Variants in MIA3 observed in about 807,000 individuals in gnomAD.
MIA3 encodes MIA SH3 domain ER export factor 3.
A neutral mutation model predicts 192.4 loss-of-function variants in MIA3; 90 were observed. The ratio of observed to expected loss-of-function variants is 0.47; its 90% CI spans 0.39 to 0.56. The LOEUF (loss-of-function observed/expected upper bound fraction) is 0.56. Ranked by LOEUF, MIA3 falls within the 20% of genes least tolerant of loss-of-function variation. The pLI, the probability that MIA3 is intolerant of heterozygous loss-of-function variation, is 0.00. For missense variants in MIA3, 2,123 were observed against 2,269.4 expected (o/e 0.94, Z 1.31); for synonymous variants, 740 against 792.8 (o/e 0.93, Z 1.12).
chr1:222,662,083 C>T lies in MIA3; in HGVS notation c.5141C>T (p.Pro1714Leu), dbSNP rs1362673838. The change falls in exon 25 of 28, where the codon CCT (proline) becomes CTT (leucine). Residue 1714 changes from proline (P) to leucine (L), a missense_variant. Pro to Leu is a moderately conservative substitution (Grantham distance 98). Around this residue, in one of 3 missense-constraint regions of MIA3, gnomAD observed 762 missense variants for 856.4 expected, o/e 0.89. Transcript: ENST00000344922. ...TCAGTGGACGGGCCTCTACCTCATC[C>T]TCGATGGTCAGCTGAGGCATCTGGG... ...FGSVDGPLPH[P>L]RWSAEASGKP... 1 of 1,614,102 alleles carries T rather than the reference C, an allele frequency of 6.2e-7. No individual in the cohort carries two copies. The highest frequency in any genetic ancestry group is 8.5e-7 in the Non-Finnish European group (1 of 1,179,968).
intron 15 of MIA3, among the ~76,000 whole-genome samples, chr1:222,653,724 G>T (rs1206879477): frequency 2.0e-5 from 3 of 152,178 alleles, no homozygotes; most frequent in Non-Finnish European, 1.5e-5. Flanking sequence ...GAGTACTGAG[G>T]TGGTTGGAGG....
At chr1:222,634,337 A>G (rs1318769131) in intron 6 of MIA3, among the ~76,000 whole-genome samples, 1 of 152,092 alleles carries the variant, frequency 6.6e-6, no homozygotes, top group African/African-American at 2.4e-5. Context: ...AATAAAAATA[A>G]AAAAGTATGG....
intron 15 of MIA3, 55 bp downstream of exon 15, chr1:222,653,394 A>C: frequency 9.1e-7 from 1 of 1,100,390 alleles, no homozygotes; most frequent in Non-Finnish European, 1.4e-6. Context: ...CTTTAAGTGC[A>C]CCAGTGCTAC....
Position 222,638,060 on chromosome 1 carries a change from A to G in MIA3, c.3477+4811A>G, listed in dbSNP as rs771943473. On this transcript the variant is annotated intron_variant, in intron 6 of 27. Transcript: ENST00000344922. ...CTTCTCAATAACTGATAGAATAGGA[A>G]GTCAATAAGGATCTAGAAGTTATGA... Among the ~76,000 whole-genome samples, 3 of 152,148 alleles carry G rather than the reference A, an allele frequency of 2.0e-5. No homozygotes were observed. The South Asian group carries it at 6.2e-4, about 31-fold the overall frequency.
chr1:222,659,046 AG>A, intron 19 of MIA3: 2 of 399,218 alleles, frequency 5.0e-6, no homozygotes, highest in Middle Eastern at 7.5e-4. Flanking sequence ...TGGGGGTTGG[AG>A]GGGGTGGGAG....
intron 3 of MIA3, among the ~76,000 whole-genome samples, chr1:222,626,307 C>T (rs868060914): frequency 2.0e-5 from 3 of 152,094 alleles, no homozygotes; most frequent in South Asian, 4.1e-4. Flanking sequence ...AGAGACTGCC[C>T]GGGATTTGAG....
At chr1:222,634,132 A>G (rs185485127) in intron 6 of MIA3, among the ~76,000 whole-genome samples, 10 of 152,228 alleles carry the variant, frequency 6.6e-5, no homozygotes, top group Non-Finnish European at 1.2e-4. Flanking sequence ...GTGAGCCACC[A>G]TTCCCGGCCA....
intron 6 of MIA3, among the ~76,000 whole-genome samples, chr1:222,645,284 A>G (rs184724547): frequency 1.1e-4 from 16 of 152,254 alleles, no homozygotes. Context: ...TAGATAACAT[A>G]TTGTATCAGG....
Position 222,666,824 on chromosome 1 carries a change from C to T in MIA3, c.*1205C>T, listed in dbSNP as rs1664313928. 6.6e-6 allele frequency: 1 copy of T among 152,164 alleles called. No homozygotes were observed. The highest frequency in any genetic ancestry group is 2.4e-5 in the African/African-American group (1 of 41,440). The allele number at this position is 152,164 out of a possible 1,614,324, so 9.4% of individuals were successfully genotyped here. The stretch of plus-strand genomic sequence containing the variant: ...ATACTTAAAGTCTTATCCATTACTA[C>T]ACTGTCTTTAAAACAATGTTTCTTT... On this transcript the variant is annotated 3_prime_UTR_variant, in exon 28 of 28. Coordinates refer to ENST00000344922, the MANE Select transcript of MIA3 (RefSeq NM_198551.4).
chr1:222,643,944 C>T (rs1558185550), intron 6 of MIA3, among the ~76,000 whole-genome samples: 1 of 145,724 alleles, frequency 6.9e-6, no homozygotes, highest in African/African-American at 2.5e-5. Context: ...ACTGAGTGGG[C>T]AAGGAAGAAA....
chr1:222,652,087 T>G, intron 12 of MIA3, 39 bp downstream of exon 12: 1 of 1,345,730 alleles, frequency 7.4e-7, no homozygotes, highest in Non-Finnish European at 1.1e-6. Flanking sequence ...ATTAATACTA[T>G]ATCATAGTTT....
In MIA3 at chr1:222,633,263, AG is replaced by A; in HGVS notation, c.3477+15del. 2 of 1,569,976 alleles carry A rather than the reference AG, an allele frequency of 1.3e-6. No homozygotes were observed. Among genetic ancestry groups the A allele is most frequent in the Non-Finnish European group, 8.7e-7 (1 of 1,155,522 alleles). On this transcript the variant is annotated intron_variant, in intron 6 of 27. Coordinates refer to ENST00000344922, the MANE Select transcript of MIA3 (RefSeq NM_198551.4). ...TTAACTAAGTCGGTAAGTTTAACAT[AG>A]TTTTTTTTTAACTAAAATGTTGATT... is the stretch of plus-strand genomic sequence containing the variant.
chr1:222,630,451 G>A, intron 4 of MIA3, 62 bp downstream of exon 4: 1 of 1,495,040 alleles, frequency 6.7e-7, no homozygotes, highest in East Asian at 2.3e-5. Context: ...TCGCTGAGGT[G>A]CCTCCTATCT....
chr1:222,632,627 C>T (rs988927117), intron 5 of MIA3, among the ~76,000 whole-genome samples: 4 of 152,126 alleles, frequency 2.6e-5, no homozygotes, highest in Non-Finnish European at 5.9e-5. Context: ...TCAACCAGCC[C>T]AGCAGCATCA....
At chr1:222,654,208 G>A in intron 15 of MIA3, 35 bp from the exon 16 acceptor site, 1 of 1,596,916 alleles carries the variant, frequency 6.3e-7, no homozygotes, top group Non-Finnish European at 8.6e-7. Flanking sequence ...AGCAAGGGAA[G>A]AAAAAGCAAT....
chr1:222,641,162 T>C (rs1191881821), intron 6 of MIA3, among the ~76,000 whole-genome samples: 2 of 152,230 alleles, frequency 1.3e-5, no homozygotes, highest in Non-Finnish European at 2.9e-5. Context: ...TGTCAGTTTC[T>C]TAAGAAGGTA....
rs867797969 is a variant in MIA3, at chr1:222,630,185, A to G, written c.2965A>G (p.Ile989Val). Residue 989 changes from isoleucine (I) to valine (V), a missense_variant, in exon 4 of 28, where the codon ATA becomes GTA. Around this residue, in one of 3 missense-constraint regions of MIA3, gnomAD observed 1,357 missense variants for 1,396.1 expected, o/e 0.97. Coordinates refer to ENST00000344922, the MANE Select transcript of MIA3 (RefSeq NM_198551.4). Reference protein sequence around the residue: ...FRASESQILSIAEKMLDTRVA... With the variant: ...FRASESQILSVAEKMLDTRVA... ...TGCTTCTGAGTCACAAATTCTGAGCATAGCAGAAAAAATGCTTGATACTCG... is the reference window on the plus strand; with the variant it reads ...TGCTTCTGAGTCACAAATTCTGAGCGTAGCAGAAAAAATGCTTGATACTCG... 5.6e-6 allele frequency: 9 copies of G among 1,614,126 alleles called. No individual in the cohort carries two copies. In the African/African-American group the frequency reaches 9.3e-5, roughly 17 times the overall value.
intron 9 of MIA3, 35 bp downstream of exon 9, chr1:222,650,415 G>A: frequency 3.5e-6 from 4 of 1,153,422 alleles, no homozygotes; most frequent in Non-Finnish European, 5.0e-6. Flanking sequence ...TTTTTTCATG[G>A]TCCCAGCTTG....
At position 222,662,294 on chromosome 1, in the gene MIA3, A is replaced by G. The variant is rs757343478; in HGVS notation, c.5224A>G (p.Arg1742Gly). 9.9e-6 allele frequency: 16 copies of G among 1,614,040 alleles called. No homozygotes were observed. Among genetic ancestry groups the G allele is most frequent in the Non-Finnish European group, 1.4e-5 (16 of 1,179,920 alleles). The stretch of plus-strand genomic sequence containing the variant: ...AGCTACCATGATGAACAGCAGCTCA[A>G]GAGGCTCTTCCCCTACCAGGGTACT... The part of the protein sequence containing the change: ...GTATMMNSSS[R>G]GSSPTRVLDE... The change falls in exon 26 of 28, where the codon AGA becomes GGA. Residue 1742 changes from arginine to glycine, a missense_variant. Coordinates refer to ENST00000344922, the MANE Select transcript of MIA3 (RefSeq NM_198551.4).
Sources: gnomAD v4.1 joint callset for allele counts (sites outside exome capture counted in the v4.1 genomes callset) on GRCh38, gnomAD v4.1.1 for gene constraint, gnomAD v4.1.1 regional missense constraint, MANE v1.5 for transcripts, NCBI Gene and HGNC (gene_info 2026-07-23, HGNC 2026-07-21) for gene names.